Variants in KRT72 observed in about 807,000 individuals in gnomAD.
KRT72 encodes keratin 72.
In KRT72, 44 loss-of-function variants were observed where a neutral mutation model predicts 44.7. The observed-to-expected ratio is 0.98, with a 90% CI of 0.77 to 1.27. The LOEUF (loss-of-function observed/expected upper bound fraction) is 1.27. Among genes scored for constraint, KRT72 ranks in the 50% most tolerant of loss-of-function variants. KRT72 has a pLI of 0.00. For missense variants in KRT72, 736 were observed against 667.1 expected, an observed-to-expected ratio of 1.10 and a Z score of -1.14; for synonymous variants, 302 against 280.4, an observed-to-expected ratio of 1.08 and a Z score of -0.77.
chr12:52,587,554 C>T (rs748713767), intron 7 of KRT72, 77 bp downstream of exon 7: 139 of 1,503,822 alleles, frequency 9.2e-5, no homozygotes, highest in Non-Finnish European at 1.2e-4. Context: ...CTAAACAGGA[C>T]CAAACTGTTT....
rs145160877 is a variant in KRT72, at chr12:52,599,090, T to C, written c.449A>G (p.Asn150Ser). ...IDKVRFLEQQ[N>S]QVLETKWNLL... ...GTTCCACTTGGTCTCTAGCACCTGA[T>C]TCTGCTGCTCCAGGAACCGCACCTG... The change falls in exon 2 of 9, where the codon AAT becomes AGT. Residue 150 changes from asparagine to serine, a missense_variant. Coordinates refer to ENST00000293745, the MANE Select transcript of KRT72 (RefSeq NM_080747.3). The C allele has an allele frequency of 2.0e-5, 33 of 1,614,154 alleles. No individual in the cohort carries two copies. The African/African-American group carries it at 3.1e-4, about 15-fold the overall frequency.
intron 2 of KRT72, among the ~76,000 whole-genome samples, chr12:52,597,036 G>A (rs1294653596): frequency 6.6e-6 from 1 of 152,168 alleles, no homozygotes; most frequent in Non-Finnish European, 1.5e-5. Context: ...TTAGATGAAG[G>A]GTGATGGGCG....
rs139937105 is a variant in KRT72 at position 52,589,757 on chromosome 12, G to A, written c.1089+1079C>T. ...TGCGAGGGATCCCCATTTGTTCCCC[G>A]CAGAGGGTATCTTCCCTGACCACCA... On this transcript the variant is annotated intron_variant, in intron 6 of 8. Coordinates refer to ENST00000293745, the MANE Select transcript of KRT72 (RefSeq NM_080747.3). Among the ~76,000 whole-genome samples, 54 of 152,240 alleles carry A rather than the reference G, an allele frequency of 3.5e-4. 1 individual carries two copies. The highest frequency in any genetic ancestry group is 6.2e-4 in the Non-Finnish European group (42 of 68,010).
Position 52,601,391 on chromosome 12 carries a change from G to A in KRT72, c.62C>T (p.Ala21Val), listed in dbSNP as rs758215311. ...GERLGFSGCS[A>V]VLSGGIGSSS... is the part of the protein sequence containing the mutation. ...GCTGCCGATCCCGCCAGAGAGGACC[G>A]CGGAGCAACCGCTGAAGCCCAGGCG... is the stretch of plus-strand genomic sequence containing the variant. Residue 21 changes from alanine (A) to valine (V), a missense_variant, in exon 1 of 9, where the codon GCG becomes GTG. By Grantham distance (64) the Ala-to-Val change is moderately conservative. Transcript: ENST00000293745. 2.6e-6 allele frequency: 4 copies of A among 1,542,164 alleles called. No homozygotes were observed. Among genetic ancestry groups the A allele is most frequent in the Non-Finnish European group, 3.5e-6 (4 of 1,147,106 alleles).
In KRT72 at chr12:52,601,386, G is replaced by A. The variant is rs1402220053; in HGVS notation, c.67C>T (p.Leu23Phe). 2.6e-6 allele frequency: 4 copies of A among 1,542,316 alleles called. No individual in the cohort carries two copies. In the Admixed American group the frequency reaches 7.8e-5, roughly 30 times the overall value. The change falls in exon 1 of 9, where the codon CTC becomes TTC. Residue 23 changes from leucine to phenylalanine, a missense_variant. Leu to Phe is a conservative substitution (Grantham distance 22, BLOSUM62 0). Coordinates refer to ENST00000293745, the MANE Select transcript of KRT72 (RefSeq NM_080747.3). ...GAGCTGCTGCCGATCCCGCCAGAGA[G>A]GACCGCGGAGCAACCGCTGAAGCCC... ...RLGFSGCSAV[L>F]SGGIGSSSAS...
Position 52,601,384 on chromosome 12 carries a change from G to A in KRT72, c.69C>T (p.Leu23=), listed in dbSNP as rs1490230643. 1.9e-6 allele frequency: 3 copies of A among 1,542,298 alleles called. No individual in the cohort carries two copies. The African/African-American group carries it at 4.1e-5, about 21-fold the overall frequency. The change falls in exon 1 of 9, where the codon CTC becomes CTT. Residue 23 remains leucine (L), a synonymous_variant. Transcript: ENST00000293745. ...CGGAGCTGCTGCCGATCCCGCCAGA[G>A]AGGACCGCGGAGCAACCGCTGAAGC... ...RLGFSGCSAV[L]SGGIGSSSAS... is the part of the protein sequence containing the mutation.
chr12:52,598,389 T>TA (rs1332554179), intron 2 of KRT72, among the ~76,000 whole-genome samples: 2 of 152,214 alleles, frequency 1.3e-5, no homozygotes, highest in Admixed American at 6.5e-5. Flanking sequence ...CCTTGATTTA[T>TA]TACTGTCTCA....
intron 2 of KRT72, among the ~76,000 whole-genome samples, chr12:52,596,320 C>T (rs1565620495): frequency 6.6e-6 from 1 of 152,132 alleles, no homozygotes; most frequent in Non-Finnish European, 1.5e-5. Flanking sequence ...GACTAGAATC[C>T]TATCTCAGCT....
chr12:52,602,505 G>C (rs2120832133), upstream of KRT72, among the ~76,000 whole-genome samples: 1 of 152,302 alleles, frequency 6.6e-6, no homozygotes, highest in Admixed American at 6.5e-5. Flanking sequence ...CTGCCTTCAA[G>C]TCTCCTCCTC....
At chr12:52,589,744 C>G (rs1182671169) in intron 6 of KRT72, among the ~76,000 whole-genome samples, 1 of 152,140 alleles carries the variant, frequency 6.6e-6, no homozygotes, top group African/African-American at 2.4e-5. Flanking sequence ...CGAGGGATCC[C>G]CATTTGTTCC....
rs1485380864 is a variant in KRT72, at chr12:52,601,366, G to C, written c.87C>G (p.Ser29Arg). 23 of 1,543,450 alleles carry C rather than the reference G, an allele frequency of 1.5e-5. No homozygotes were observed. The highest frequency in any genetic ancestry group is 2.0e-5 in the Non-Finnish European group (23 of 1,146,850). ...CCCGGGCCCGGAATGAGGCGGAGCTGCTGCCGATCCCGCCAGAGAGGACCG... is the reference window on the plus strand; with the variant it reads ...CCCGGGCCCGGAATGAGGCGGAGCTCCTGCCGATCCCGCCAGAGAGGACCG... ...CSAVLSGGIGSSSASFRARVK... is the reference protein window; with the variant it reads ...CSAVLSGGIGRSSASFRARVK... Residue 29 changes from serine to arginine, a missense_variant, in exon 1 of 9, where the codon AGC becomes AGG. By Grantham distance (110) the Ser-to-Arg change is moderately radical. Coordinates refer to ENST00000293745, the MANE Select transcript of KRT72 (RefSeq NM_080747.3).
intron 2 of KRT72, among the ~76,000 whole-genome samples, chr12:52,593,641 C>T: frequency 6.6e-6 from 1 of 151,830 alleles, no homozygotes; most frequent in East Asian, 1.9e-4. Context: ...AATGGATAAG[C>T]AAAATGTGGT....
intron 2 of KRT72, among the ~76,000 whole-genome samples, chr12:52,597,949 G>A (rs603166): frequency 0.015 from 2,261 of 152,320 alleles, 50 homozygotes; most frequent in African/African-American, 0.052. Flanking sequence ...AGATAGCACT[G>A]CCCCTGGACG....
chr12:52,587,545 T>C, intron 7 of KRT72, 86 bp downstream of exon 7: 1 of 1,443,958 alleles, frequency 6.9e-7, no homozygotes, highest in South Asian at 1.2e-5. Context: ...CAGTAGGACC[T>C]AAACAGGACC....
Position 52,587,812 on chromosome 12 carries a change from G to A in KRT72, c.1129C>T (p.Arg377Trp), listed in dbSNP as rs150710240. The A allele has an allele frequency of 5.1e-5, 83 of 1,614,164 alleles. No individual in the cohort carries two copies. The African/African-American group carries it at 8.1e-4, about 16-fold the overall frequency. The change falls in exon 7 of 9, where the codon CGG becomes TGG. Residue 377 changes from arginine to tryptophan, a missense_variant. By Grantham distance (101) the Arg-to-Trp change is moderately radical (BLOSUM62 -3). Coordinates refer to ENST00000293745, the MANE Select transcript of KRT72 (RefSeq NM_080747.3). ...GCATCTTTCAGGGCGCAGTCCCCCC[G>A]CTGTTCAGCGTCGGCGATGGCCGTC... ...LETAIADAEQ[R>W]GDCALKDARA...
At chr12:52,595,153 G>A (rs1940191587) in intron 2 of KRT72, among the ~76,000 whole-genome samples, 2 of 151,898 alleles carry the variant, frequency 1.3e-5, no homozygotes, top group Admixed American at 1.3e-4. Flanking sequence ...GACATTAGCT[G>A]TAAATAATTT....
At chr12:52,593,570 A>G (rs1940132161) in intron 2 of KRT72, among the ~76,000 whole-genome samples, 1 of 152,250 alleles carries the variant, frequency 6.6e-6, no homozygotes, top group Admixed American at 6.5e-5. Flanking sequence ...AGAATGCATT[A>G]CAGGACATTT....
At chr12:52,592,981 C>A in intron 2 of KRT72, 29 bp from the exon 3 acceptor site, 1 of 1,603,398 alleles carries the variant, frequency 6.2e-7, no homozygotes, top group Non-Finnish European at 8.5e-7. Flanking sequence ...TGAGGTAATT[C>A]AGTTCTGCAA....
At position 52,601,078 on chromosome 12, in the gene KRT72, C is replaced by T; in HGVS notation, c.375G>A (p.Glu125=). The change falls in exon 1 of 9, where the codon GAG becomes GAA. Residue 125 remains glutamate (E), a synonymous_variant. Coordinates refer to ENST00000293745, the MANE Select transcript of KRT72 (RefSeq NM_080747.3). ...DPEIQRVRAQ[E]REQIKALNNK... ...TGTTTAGCGCCTTGATCTGCTCCCG[C>T]TCCTGGGCGCGCACCCTCTGGATCT... is the stretch of plus-strand genomic sequence containing the variant. 1 of 1,612,496 alleles carries T rather than the reference C, an allele frequency of 6.2e-7. No individual in the cohort carries two copies. The highest frequency in any genetic ancestry group is 8.5e-7 in the Non-Finnish European group (1 of 1,179,512).
Sources: allele counts gnomAD v4.1 joint callset (sites outside exome capture counted in the v4.1 genomes callset), GRCh38; gene constraint gnomAD v4.1.1; transcripts MANE v1.5; gene names NCBI Gene and HGNC (gene_info 2026-07-23, HGNC 2026-07-21).